DDX46: variants seen among roughly 807,000 people sequenced by gnomAD.
The protein encoded by DDX46 is DEAD-box helicase 46.
In DDX46, 30 loss-of-function variants were observed where a neutral mutation model predicts 134.9. The ratio of observed to expected loss-of-function variants is 0.22; its 90% CI spans 0.17 to 0.30. DDX46 has a LOEUF of 0.30. DDX46 is among the 10% of genes least tolerant of loss of function. The probability of loss-of-function intolerance (pLI) is 1.00; values close to 1 mark genes in which losing one functional copy is unlikely to be tolerated. For missense variants in DDX46, 622 were observed against 1,248.7 expected, an observed-to-expected ratio of 0.50 and a Z score of 7.56; for synonymous variants, 415 against 404.1, an observed-to-expected ratio of 1.03 and a Z score of -0.32.
rs2150166063 is a variant in DDX46, at chr5:134,829,626, G to A, written c.*920G>A. 6.6e-6 allele frequency: 1 copy of A among 152,204 alleles called. No homozygotes were observed. Among genetic ancestry groups the A allele is most frequent in the East Asian group, 1.9e-4 (1 of 5,188 alleles). 9.4% of individuals were successfully genotyped at this position (152,204 alleles called of 1,614,324 possible). A position where few individuals can be genotyped will look rare whatever the true frequency, so the allele number is the denominator to read the frequency against. On this transcript the variant is annotated 3_prime_UTR_variant, in exon 23 of 23. Transcript: ENST00000452510. ...GTACCCAAGTTTTAAACTTAGATGT[G>A]CTTCATCTTAGTGAAATTTAATTCA... is the stretch of plus-strand genomic sequence containing the variant.
At chr5:134,773,334 A>G (rs2150135099) in intron 4 of DDX46, among the ~76,000 whole-genome samples, 1 of 152,338 alleles carries the variant, frequency 6.6e-6, no homozygotes, top group East Asian at 1.9e-4. Flanking sequence ...GGGGATTAAA[A>G]TTGAGAATAA....
chr5:134,802,702 CT>C (rs2150152411), intron 15 of DDX46, among the ~76,000 whole-genome samples: 1 of 152,134 alleles, frequency 6.6e-6, no homozygotes, highest in Admixed American at 6.5e-5. Flanking sequence ...GCTTTGAAAT[CT>C]TTGTTAATTT....
At chr5:134,773,654 T>C (rs1208280442) in intron 4 of DDX46, 42 bp from the exon 5 acceptor site, 12 of 1,539,798 alleles carry the variant, frequency 7.8e-6, no homozygotes, top group Non-Finnish European at 1.0e-5. Flanking sequence ...TGGTTTTGCT[T>C]TTTATTTTCC....
intron 15 of DDX46, chr5:134,804,990 C>A: frequency 5.3e-6 from 2 of 380,018 alleles, no homozygotes; most frequent in South Asian, 2.4e-5. Flanking sequence ...TGGGCACATG[C>A]CACCTGCAGA....
intron 15 of DDX46, among the ~76,000 whole-genome samples, chr5:134,803,585 A>G (rs1754895568): frequency 6.6e-6 from 1 of 152,158 alleles, no homozygotes; most frequent in Non-Finnish European, 1.5e-5. Context: ...AAGTAAGTAA[A>G]TAGAATCCTC....
rs1352125148 is a variant in DDX46, at chr5:134,796,056, A to G, written c.1860A>G (p.Gly620=). 6.2e-7 allele frequency: 1 copy of G among 1,613,804 alleles called. No individual in the cohort carries two copies. Among genetic ancestry groups the G allele is most frequent in the Non-Finnish European group, 8.5e-7 (1 of 1,179,952 alleles). ...LELLGHYQES[G]SVIIFVDKQE... is the part of the protein sequence containing the mutation. ...TTCTAGGCCATTATCAAGAGTCAGGATCTGTCATTATATTTGTGGATAAGC... is the reference window on the plus strand; with the variant it reads ...TTCTAGGCCATTATCAAGAGTCAGGGTCTGTCATTATATTTGTGGATAAGC... Residue 620 remains glycine (G), a synonymous_variant, in exon 15 of 23, where the codon GGA becomes GGG. Coordinates refer to ENST00000452510, the MANE Select transcript of DDX46 (RefSeq NM_001300860.2).
chr5:134,809,852 AAAAAT>A (rs1219034186), intron 16 of DDX46, among the ~76,000 whole-genome samples: 2 of 152,004 alleles, frequency 1.3e-5, no homozygotes, highest in African/African-American at 4.8e-5. Context: ...CTACTAAAAT[AAAAAT>A]AAAAAATTAG....
At chr5:134,802,442 G>A (rs931700388) in intron 15 of DDX46, among the ~76,000 whole-genome samples, 6 of 151,010 alleles carry the variant, frequency 4.0e-5, no homozygotes, top group Admixed American at 6.6e-5. Flanking sequence ...GGTTACAGGC[G>A]TGAGCCACCG....
chr5:134,797,838 G>C (rs1044461761), intron 15 of DDX46, among the ~76,000 whole-genome samples: 1 of 152,180 alleles, frequency 6.6e-6, no homozygotes, highest in African/African-American at 2.4e-5. Context: ...TTGAGACAGA[G>C]TTTTGCTCTT....
intron 6 of DDX46, among the ~76,000 whole-genome samples, chr5:134,779,144 G>T (rs2150138671): frequency 6.6e-6 from 1 of 152,198 alleles, no homozygotes; most frequent in East Asian, 1.9e-4. Context: ...TGATCCACCT[G>T]CCTTGGCCTC....
intron 21 of DDX46, among the ~76,000 whole-genome samples, chr5:134,825,359 G>A (rs1379113706): frequency 1.3e-5 from 2 of 152,068 alleles, no homozygotes; most frequent in Non-Finnish European, 2.9e-5. Flanking sequence ...GCTAGTGGAG[G>A]TATAGGATTT....
In DDX46 at chr5:134,758,887, G is replaced by T; in HGVS notation, c.-52G>T. ...GGCAGCTCAGCCTCCTTGTTTGTCC[G>T]GTTCGCCTGTGCGTGGTACTCAAGG... On this transcript the variant is annotated 5_prime_UTR_variant, in exon 1 of 23. Coordinates refer to ENST00000452510, the MANE Select transcript of DDX46 (RefSeq NM_001300860.2). The T allele has an allele frequency of 6.2e-7, 1 of 1,613,688 alleles. No individual in the cohort carries two copies. The highest frequency in any genetic ancestry group is 1.1e-5 in the South Asian group (1 of 91,074).
At chr5:134,810,036 C>T (rs1379506271) in intron 16 of DDX46, among the ~76,000 whole-genome samples, 1 of 151,916 alleles carries the variant, frequency 6.6e-6, no homozygotes, top group Non-Finnish European at 1.5e-5. Flanking sequence ...AACAAAAAAT[C>T]GCAACAGTTG....
chr5:134,817,161 G>A (rs1018848646), intron 19 of DDX46: 1 of 218,438 alleles, frequency 4.6e-6, no homozygotes, highest in South Asian at 1.1e-4. Context: ...ATTCGGAGGA[G>A]ACTCCTAGGA....
chr5:134,788,092 C>T (rs959582301), intron 11 of DDX46, among the ~76,000 whole-genome samples: 1 of 150,852 alleles, frequency 6.6e-6, no homozygotes, highest in African/African-American at 2.4e-5. Flanking sequence ...AATGTGGCAA[C>T]CCTCAATTTG....
At chr5:134,825,973 A>C (rs1244048047) in intron 21 of DDX46, 1 of 152,068 alleles carries the variant, frequency 6.6e-6, no homozygotes, top group Non-Finnish European at 1.5e-5. Context: ...TAATATCTTA[A>C]TTTGTTTCTC....
At chr5:134,802,642 A>G (rs890358822) in intron 15 of DDX46, among the ~76,000 whole-genome samples, 1 of 151,998 alleles carries the variant, frequency 6.6e-6, no homozygotes, top group African/African-American at 2.4e-5. Flanking sequence ...GATTTTCTAG[A>G]CGTTCCTTGT....
intron 3 of DDX46, 31 bp from the exon 4 acceptor site, chr5:134,770,872 A>G (rs1753742653): frequency 6.4e-7 from 1 of 1,553,742 alleles, no homozygotes. Flanking sequence ...AATGAATGAC[A>G]TTTCTCTTGT....
intron 11 of DDX46, among the ~76,000 whole-genome samples, chr5:134,786,157 A>G (rs1457744060): frequency 2.0e-5 from 3 of 152,066 alleles, no homozygotes; most frequent in African/African-American, 4.8e-5. Flanking sequence ...CCAATCTTAC[A>G]TGTTCTTACC....
Sources: gnomAD v4.1 joint callset for allele counts (sites outside exome capture counted in the v4.1 genomes callset) on GRCh38, gnomAD v4.1.1 for gene constraint, MANE v1.5 for transcripts, NCBI Gene and HGNC (gene_info 2026-07-23, HGNC 2026-07-21) for gene names.